The following WDR49 variants were observed in gnomAD, a reference collection of about 807,000 sequenced individuals.
WDR49 encodes WD repeat domain 49.
Under a neutral mutation model 119.5 loss-of-function variants are expected in WDR49, and 107 were observed. That is an observed-to-expected ratio of 0.90 (90% CI 0.77 to 1.05). WDR49 has a LOEUF of 1.05. Among genes scored for constraint, WDR49 ranks in the 50% least tolerant of loss-of-function variants. WDR49 has a pLI of 0.00. For missense variants in WDR49, 1,240 were observed against 1,220.5 expected (o/e 1.02, Z -0.24); for synonymous variants, 425 against 418.8 (o/e 1.01, Z -0.18).
At chr3:167,506,365 T>C (rs1326660544) in intron 16 of WDR49, among the ~76,000 whole-genome samples, 2 of 152,210 alleles carry the variant, frequency 1.3e-5, no homozygotes, top group Non-Finnish European at 2.9e-5. Flanking sequence ...GAAATGTGCC[T>C]AATAAATAAT....
At chr3:167,566,917 G>C (rs1034679205) in intron 8 of WDR49, 1 of 662,548 alleles carries the variant, frequency 1.5e-6, no homozygotes, top group Non-Finnish European at 2.8e-6. Context: ...AAAAGAAAGG[G>C]TTGGACTTAC....
In WDR49 at chr3:167,544,565, G is replaced by A. The variant is rs191060157; in HGVS notation, c.1824-7565C>T. On this transcript the variant is annotated intron_variant, in intron 10 of 18. Transcript: ENST00000682715. The stretch of plus-strand genomic sequence containing the variant: ...AAATACTTAAAGCCAACTAATCTTT[G>A]ACAAAGCAAACAAAAGCATAAAGTG... 2.2e-3 allele frequency among the ~76,000 whole-genome samples: 340 copies of A among 152,102 alleles called. 2 individuals are homozygous for A. Among genetic ancestry groups the A allele is most frequent in the Non-Finnish European group, 4.2e-3 (287 of 67,948 alleles).
At chr3:167,530,921 T>C (rs1488644411) in intron 13 of WDR49, among the ~76,000 whole-genome samples, 194 bp downstream of exon 13, 1 of 152,096 alleles carries the variant, frequency 6.6e-6, no homozygotes, top group Non-Finnish European at 1.5e-5. Flanking sequence ...AGTAGTGGGA[T>C]GTAGTCTGGC....
chr3:167,505,741 T>C (rs1751746036), intron 16 of WDR49, among the ~76,000 whole-genome samples: 1 of 152,208 alleles, frequency 6.6e-6, no homozygotes. Context: ...CCTTGCCTTA[T>C]TAATAAATTA....
At chr3:167,614,010 G>T (rs1356081649) in intron 5 of WDR49, among the ~76,000 whole-genome samples, 10 of 151,584 alleles carry the variant, frequency 6.6e-5, no homozygotes, top group Non-Finnish European at 1.5e-5. Flanking sequence ...TCTAGCCCTG[G>T]TCAAAGGGCA....
chr3:167,608,682 T>G (rs1716181385), intron 5 of WDR49, among the ~76,000 whole-genome samples: 1 of 152,188 alleles, frequency 6.6e-6, no homozygotes, highest in Non-Finnish European at 1.5e-5. Flanking sequence ...TTTCTTGAAT[T>G]GAGGTAAGGA....
Position 167,485,310 on chromosome 3 carries a change from T to C in WDR49, c.3032-6314A>G, listed in dbSNP as rs950922079. Among the ~76,000 whole-genome samples, 7 of 151,784 alleles carry C rather than the reference T, an allele frequency of 4.6e-5. No individual in the cohort carries two copies. The South Asian group carries it at 6.3e-4, about 14-fold the overall frequency. On this transcript the variant is annotated intron_variant, in intron 18 of 18. Coordinates refer to ENST00000682715, the MANE Select transcript of WDR49 (RefSeq NM_001366157.1). ...AACCACCATGGCACATGGATACCTA[T>C]GTAAAAAACCTTCACGTTCTATACA...
intron 2 of WDR49, among the ~76,000 whole-genome samples, chr3:167,633,189 A>G (rs942777426): frequency 7.9e-5 from 12 of 151,812 alleles, no homozygotes; most frequent in African/African-American, 2.2e-4. Context: ...TGCTAACTAG[A>G]TAGTTCTTAG....
At chr3:167,654,639 T>C (rs1277345272), upstream of WDR49, among the ~76,000 whole-genome samples, 3 of 152,220 alleles carry the variant, frequency 2.0e-5, no homozygotes, top group Non-Finnish European at 4.4e-5. Context: ...CTCACGCCTG[T>C]AATCCCTGCA....
intron 3 of WDR49, among the ~76,000 whole-genome samples, chr3:167,624,585 T>TCATGTA (rs1717036947): frequency 6.6e-6 from 1 of 152,060 alleles, no homozygotes; most frequent in Non-Finnish European, 1.5e-5. Flanking sequence ...ATCTATCAGC[T>TCATGTA]TGGGACACTT....
chr3:167,637,430 G>C (rs1028914094), intron 2 of WDR49, among the ~76,000 whole-genome samples: 2 of 151,802 alleles, frequency 1.3e-5, no homozygotes, highest in African/African-American at 4.8e-5. Context: ...GTAATGTGAT[G>C]CCTCCAGATT....
At chr3:167,484,407 G>C (rs6809372) in intron 18 of WDR49, among the ~76,000 whole-genome samples, 17,351 of 151,976 alleles carry the variant, frequency 0.11, 1,077 homozygotes, top group African/African-American at 0.16. Context: ...TAACAAACCT[G>C]CAGGTTGTAC....
intron 7 of WDR49, among the ~76,000 whole-genome samples, chr3:167,585,610 C>T (rs1230294668): frequency 1.3e-5 from 2 of 151,630 alleles, no homozygotes; most frequent in Non-Finnish European, 2.9e-5. Flanking sequence ...TAGGAAAAAG[C>T]AAATTGTAGA....
intron 2 of WDR49, among the ~76,000 whole-genome samples, chr3:167,635,879 T>C (rs1335121791): frequency 6.6e-6 from 1 of 151,770 alleles, no homozygotes; most frequent in African/African-American, 2.4e-5. Context: ...CAGTTAGGTA[T>C]ACGTATTTGT....
intron 5 of WDR49, among the ~76,000 whole-genome samples, chr3:167,612,307 C>A (rs1480092156): frequency 6.6e-6 from 1 of 151,438 alleles, no homozygotes; most frequent in Non-Finnish European, 1.5e-5. Flanking sequence ...AAACTACACA[C>A]ATATGGGATA....
At chr3:167,528,962 T>G in intron 14 of WDR49, 90 bp downstream of exon 14, 4 of 1,100,836 alleles carry the variant, frequency 3.6e-6, no homozygotes, top group Non-Finnish European at 5.0e-6. Context: ...TTCCTTTGTT[T>G]AGGAGACAGA....
intron 16 of WDR49, among the ~76,000 whole-genome samples, chr3:167,512,916 T>C (rs1752041423): frequency 6.6e-6 from 1 of 151,818 alleles, no homozygotes; most frequent in South Asian, 2.1e-4. Context: ...GAAAGAAGAA[T>C]GAAAAAGAAC....
At chr3:167,518,624 C>G (rs1004163852) in intron 16 of WDR49, among the ~76,000 whole-genome samples, 13 of 151,408 alleles carry the variant, frequency 8.6e-5, no homozygotes, top group African/African-American at 3.2e-4. Context: ...ATTGTAGATT[C>G]TGGATATTAG....
intron 16 of WDR49, among the ~76,000 whole-genome samples, chr3:167,506,529 A>G (rs541994798): frequency 2.0e-5 from 3 of 152,314 alleles, no homozygotes; most frequent in African/African-American, 7.2e-5. Flanking sequence ...CATGGCTTTA[A>G]GTAGTAATGT....
Sources: gnomAD v4.1 joint callset for allele counts (sites outside exome capture counted in the v4.1 genomes callset) on GRCh38, gnomAD v4.1.1 for gene constraint, MANE v1.5 for transcripts, NCBI Gene and HGNC (gene_info 2026-07-23, HGNC 2026-07-21) for gene names.